Variants in TTC17 observed in about 807,000 individuals in gnomAD.
The protein encoded by TTC17 is tetratricopeptide repeat domain 17.
TTC17 carries 58 observed loss-of-function variants against 143.8 expected under a neutral mutation model. That is an observed-to-expected ratio of 0.40 (90% CI 0.33 to 0.50). The LOEUF (loss-of-function observed/expected upper bound fraction) is 0.50. Among genes scored for constraint, TTC17 ranks in the 20% least tolerant of loss-of-function variants. The pLI, the probability that TTC17 is intolerant of heterozygous loss-of-function variation, is 0.49. For synonymous variants in TTC17, 501 were observed against 497.8 expected (o/e 1.01, Z -0.09); for missense variants, 1,273 against 1,392.5 (o/e 0.91, Z 1.37).
At chr11:43,398,905 A>C (rs1857728912) in intron 8 of TTC17, among the ~76,000 whole-genome samples, 1 of 152,134 alleles carries the variant, frequency 6.6e-6, no homozygotes, top group African/African-American at 2.4e-5. Context: ...CTTATTCATA[A>C]CTGGTTTCTG....
At chr11:43,385,010 G>A (rs376830648) in intron 2 of TTC17, among the ~76,000 whole-genome samples, 1 of 152,292 alleles carries the variant, frequency 6.6e-6, no homozygotes, top group Non-Finnish European at 1.5e-5. Flanking sequence ...TCGTATACTT[G>A]TATGTACCTA....
At chr11:43,426,557 A>G (rs1034514225) in intron 16 of TTC17, among the ~76,000 whole-genome samples, 2 of 152,232 alleles carry the variant, frequency 1.3e-5, no homozygotes, top group South Asian at 4.1e-4. Flanking sequence ...GTCTCTGCTC[A>G]TAACATTGTT....
At chr11:43,466,690 C>A in intron 21 of TTC17, 2 of 369,456 alleles carry the variant, frequency 5.4e-6, no homozygotes, top group Non-Finnish European at 5.4e-6. Flanking sequence ...ATGGCAAATG[C>A]TGCACCCAAA....
At chr11:43,404,856 A>C (rs1374073733) in intron 11 of TTC17, among the ~76,000 whole-genome samples, 2 of 152,184 alleles carry the variant, frequency 1.3e-5, no homozygotes, top group African/African-American at 4.8e-5. Flanking sequence ...ACAAATCATA[A>C]AACAATTGTT....
At chr11:43,384,419 G>T (rs1857096910) in intron 2 of TTC17, among the ~76,000 whole-genome samples, 1 of 152,232 alleles carries the variant, frequency 6.6e-6, no homozygotes, top group Admixed American at 6.5e-5. Flanking sequence ...ACTCTGGGGG[G>T]TCGAGGCGGG....
chr11:43,414,710 C>T lies in TTC17; in HGVS notation c.2185C>T (p.Leu729=). Residue 729 remains leucine, a synonymous_variant, in exon 16 of 24, where the codon CTG becomes TTG. Transcript: ENST00000039989. The part of the protein sequence containing the change: ...TTKCPECENS[L]KLIRCMQFYP... Reference sequence around the variant, plus strand: ...CAAATGTCCAGAGTGTGAAAACAGCCTGAAGTTGATCCGCTGTATGCAGTT... The same window carrying T: ...CAAATGTCCAGAGTGTGAAAACAGCTTGAAGTTGATCCGCTGTATGCAGTT... The T allele has an allele frequency of 6.2e-7, 1 of 1,613,776 alleles. No individual in the cohort carries two copies. The highest frequency in any genetic ancestry group is 8.5e-7 in the Non-Finnish European group (1 of 1,179,790).
chr11:43,482,636 A>G (rs1948308491), intron 21 of TTC17, among the ~76,000 whole-genome samples: 1 of 152,154 alleles, frequency 6.6e-6, no homozygotes, highest in African/African-American at 2.4e-5. Flanking sequence ...CATGTGCACT[A>G]GAAAGGAATA....
chr11:43,398,729 C>G (rs1477587502), intron 8 of TTC17, among the ~76,000 whole-genome samples: 2 of 152,178 alleles, frequency 1.3e-5, no homozygotes, highest in African/African-American at 4.8e-5. Flanking sequence ...TTCATGTTAA[C>G]TCAGAAGTGA....
At chr11:43,443,877 G>A (rs1296052810) in intron 17 of TTC17, among the ~76,000 whole-genome samples, 179 bp from the exon 18 acceptor site, 5 of 152,120 alleles carry the variant, frequency 3.3e-5, no homozygotes, top group Non-Finnish European at 7.3e-5. Context: ...TACATTCTTC[G>A]AGACTAGGTT....
intron 21 of TTC17, among the ~76,000 whole-genome samples, chr11:43,483,439 C>T (rs1948324646): frequency 6.6e-6 from 1 of 152,060 alleles, no homozygotes. Context: ...TAATCTCACT[C>T]ATGAACTTAG....
Position 43,379,293 on chromosome 11 carries a change from G to T in TTC17, c.220G>T (p.Ala74Ser), listed in dbSNP as rs779421932. 1.2e-6 allele frequency: 2 copies of T among 1,611,768 alleles called. No individual in the cohort carries two copies. Among genetic ancestry groups the T allele is most frequent in the African/African-American group, 2.7e-5 (2 of 74,796 alleles). ...HDLVILMRQEATVNYLKELEK... is the reference protein window; with the variant it reads ...HDLVILMRQESTVNYLKELEK... The stretch of plus-strand genomic sequence containing the variant: ...CCTAGTCATATTAATGAGACAAGAA[G>T]CAACAGTTAACTACCTCAAAGAATT... The change falls in exon 2 of 24, where the codon GCA becomes TCA. Residue 74 changes from alanine to serine, a missense_variant. By Grantham distance (99) the Ala-to-Ser change is moderately conservative (BLOSUM62 1). This residue lies in a region of TTC17 where 325 missense variants were observed against 444.2 expected (regional missense o/e 0.73). Coordinates refer to ENST00000039989, the MANE Select transcript of TTC17 (RefSeq NM_018259.6).
chr11:43,450,940 C>T (rs527472619), intron 20 of TTC17, among the ~76,000 whole-genome samples: 1 of 152,174 alleles, frequency 6.6e-6, no homozygotes, highest in African/African-American at 2.4e-5. Flanking sequence ...ACTCTGTGTT[C>T]TAGTGTTGCT....
chr11:43,477,370 G>GC (rs1948204068), intron 21 of TTC17, among the ~76,000 whole-genome samples: 1 of 152,140 alleles, frequency 6.6e-6, no homozygotes, highest in Non-Finnish European at 1.5e-5. Context: ...TTTCAGCAGT[G>GC]CCCCACTCTG....
intron 21 of TTC17, among the ~76,000 whole-genome samples, chr11:43,484,626 T>C (rs1264838949): frequency 6.6e-6 from 1 of 152,138 alleles, no homozygotes; most frequent in Non-Finnish European, 1.5e-5. Context: ...AGGTAAATCA[T>C]GAAGAATAGA....
chr11:43,489,077 A>G (rs1325490956), intron 21 of TTC17, among the ~76,000 whole-genome samples: 2 of 152,220 alleles, frequency 1.3e-5, no homozygotes, highest in Non-Finnish European at 2.9e-5. Context: ...CAAATTCTGT[A>G]GCAATCAAAA....
At chr11:43,489,630 C>A (rs1020586091) in intron 21 of TTC17, among the ~76,000 whole-genome samples, 1 of 151,518 alleles carries the variant, frequency 6.6e-6, no homozygotes, top group Non-Finnish European at 1.5e-5. Flanking sequence ...CCCAGCTACT[C>A]GGGAGGCTGA....
intron 16 of TTC17, among the ~76,000 whole-genome samples, chr11:43,442,285 A>G (rs1166582481): frequency 6.6e-6 from 1 of 152,246 alleles, no homozygotes; most frequent in Non-Finnish European, 1.5e-5. Context: ...CTATAATACC[A>G]TGTTCTAAAT....
chr11:43,407,051 TAAGAA>T (rs145772538), intron 13 of TTC17, 82 bp from the exon 14 acceptor site: 102,552 of 897,272 alleles, frequency 0.11, 6,514 homozygotes, highest in Middle Eastern at 0.18. Flanking sequence ...CTGAGGAGCT[TAAGAA>T]AAGACTGCCA....
At chr11:43,467,563 C>T (rs142970769) in intron 21 of TTC17, among the ~76,000 whole-genome samples, 1 of 152,112 alleles carries the variant, frequency 6.6e-6, no homozygotes, top group Non-Finnish European at 1.5e-5. Flanking sequence ...TTTGTTTTCC[C>T]AGACGAAGAA....
Sources: allele counts gnomAD v4.1 joint callset (sites outside exome capture counted in the v4.1 genomes callset), GRCh38; gene constraint gnomAD v4.1.1; regional missense constraint gnomAD v4.1.1; transcripts MANE v1.5; gene names NCBI Gene and HGNC (gene_info 2026-07-23, HGNC 2026-07-21).